The following SLC66A1 variants were observed in gnomAD, a reference collection of about 807,000 sequenced individuals.
The protein encoded by SLC66A1 is lysosomal amino acid transporter 1 homolog.
In SLC66A1, 23 loss-of-function variants were observed where a neutral mutation model predicts 33.0. The observed-to-expected ratio is 0.70, with a 90% CI of 0.50 to 0.99. SLC66A1 has a LOEUF of 0.99. SLC66A1 is among the 50% of genes least tolerant of loss of function. SLC66A1 has a pLI of 0.00. For missense variants in SLC66A1, 335 were observed against 383.6 expected, an observed-to-expected ratio of 0.87 and a Z score of 1.06; for synonymous variants, 164 against 175.5, an observed-to-expected ratio of 0.93 and a Z score of 0.52.
rs749226626 is a variant in SLC66A1, at chr1:19,326,516, C to T, written c.526-15C>T. On this transcript the variant is annotated splice_polypyrimidine_tract_variant and intron_variant, in intron 5 of 7. Transcript: ENST00000375153. ...GGCTCCTACGAGACACCAAGTGCCC[C>T]CTTCTGCCCCACAGCCCTTCACCCG... is the stretch of plus-strand genomic sequence containing the variant. 5.0e-6 allele frequency: 8 copies of T among 1,614,072 alleles called. No homozygotes were observed. Among genetic ancestry groups the T allele is most frequent in the African/African-American group, 2.7e-5 (2 of 74,946 alleles).
chr1:19,325,492 C>T lies in SLC66A1; in HGVS notation c.295-3C>T. On this transcript the variant is annotated splice_region_variant and splice_polypyrimidine_tract_variant and intron_variant, in intron 3 of 7. Transcript: ENST00000375153. ...ACCCCTGGGCCCCCTGCATCTCTTA[C>T]AGACCTACACGGCTGTGTATTATGT... The T allele has an allele frequency of 6.3e-7, 1 of 1,599,500 alleles. No individual in the cohort carries two copies. The highest frequency in any genetic ancestry group is 1.1e-5 in the South Asian group (1 of 90,704).
At chr1:19,330,448 G>A (rs1386203202), downstream of SLC66A1, among the ~76,000 whole-genome samples, 1 of 152,190 alleles carries the variant, frequency 6.6e-6, no homozygotes, top group Non-Finnish European at 1.5e-5. Context: ...AGACACCGGG[G>A]CTGTGGTGAA....
At chr1:19,332,318 CTG>C (rs1558158470), downstream of SLC66A1, among the ~76,000 whole-genome samples, 1 of 152,212 alleles carries the variant, frequency 6.6e-6, no homozygotes, top group African/African-American at 2.4e-5. Context: ...ACCAACAACA[CTG>C]TCTGCCTCAG....
At chr1:19,321,954 T>C (rs1349420796) in intron 2 of SLC66A1, among the ~76,000 whole-genome samples, 1 of 152,232 alleles carries the variant, frequency 6.6e-6, no homozygotes, top group Admixed American at 6.5e-5. Flanking sequence ...TTGATGTTTT[T>C]ACTGAGTTAC....
At position 19,326,606 on chromosome 1, in the gene SLC66A1, C is replaced by G. The variant is rs1018776890; in HGVS notation, c.601C>G (p.Pro201Ala). The G allele has an allele frequency of 6.2e-7, 1 of 1,614,204 alleles. No individual in the cohort carries two copies. The highest frequency in any genetic ancestry group is 8.5e-7 in the Non-Finnish European group (1 of 1,180,042). ...SSVLYLLSRL[P>A]QIRTNFLRKS... ...CGTGTTGTACCTGCTTTCCCGGCTG[C>G]CTCAGATCCGCACCAACGTGAGCCT... The change falls in exon 6 of 8, where the codon CCT becomes GCT. Residue 201 changes from proline (P) to alanine (A), a missense_variant. Coordinates refer to ENST00000375153, the MANE Select transcript of SLC66A1 (RefSeq NM_001040125.2).
At chr1:19,319,424 A>G (rs947730604) in intron 2 of SLC66A1, among the ~76,000 whole-genome samples, 2 of 152,198 alleles carry the variant, frequency 1.3e-5, no homozygotes, top group African/African-American at 4.8e-5. Context: ...TTCACTTAAC[A>G]TAATGTCTTC....
intron 3 of SLC66A1, among the ~76,000 whole-genome samples, chr1:19,325,001 C>T (rs916474278): frequency 1.8e-4 from 28 of 152,214 alleles, no homozygotes; most frequent in African/African-American, 5.3e-4. Flanking sequence ...AGGAAGGTTT[C>T]GGGGTCTTCC....
At chr1:19,334,123 G>A (rs1347481333), downstream of SLC66A1, among the ~76,000 whole-genome samples, 3 of 152,246 alleles carry the variant, frequency 2.0e-5, no homozygotes, top group Non-Finnish European at 4.4e-5. Context: ...TAATGACGAC[G>A]GTTACTAAGT....
intron 7 of SLC66A1, 104 bp downstream of exon 7, chr1:19,327,516 C>A: frequency 1.5e-6 from 2 of 1,339,982 alleles, no homozygotes; most frequent in Non-Finnish European, 2.1e-6. Flanking sequence ...TTCATCCATC[C>A]GTCCATCCAT....
At chr1:19,318,245 G>A (rs990544233) in intron 2 of SLC66A1, among the ~76,000 whole-genome samples, 5 of 152,180 alleles carry the variant, frequency 3.3e-5, no homozygotes, top group Admixed American at 3.3e-4. Context: ...GAGATGGGGC[G>A]GGAGAGTGGG....
At chr1:19,314,420 C>T (rs1344424476) in intron 1 of SLC66A1, among the ~76,000 whole-genome samples, 1 of 152,202 alleles carries the variant, frequency 6.6e-6, no homozygotes, top group African/African-American at 2.4e-5. Flanking sequence ...AAGGTACCTT[C>T]CTCGAGACAA....
intron 7 of SLC66A1, 67 bp downstream of exon 7, chr1:19,327,479 G>T: frequency 1.3e-6 from 2 of 1,521,058 alleles, no homozygotes; most frequent in South Asian, 2.4e-5. Context: ...TGCACACAGC[G>T]TCAGCACTCA....
At chr1:19,327,900 C>CAT (rs1203790009) in intron 7 of SLC66A1, 9 of 282,548 alleles carry the variant, frequency 3.2e-5, no homozygotes, top group Non-Finnish European at 5.7e-5. Flanking sequence ...TGTGGAGAGA[C>CAT]ACATGACTTG....
intron 1 of SLC66A1, among the ~76,000 whole-genome samples, chr1:19,313,763 CA>C (rs2093790295): frequency 6.6e-6 from 1 of 152,184 alleles, no homozygotes; most frequent in Admixed American, 6.5e-5. Flanking sequence ...GGCCTAGCCT[CA>C]GGTAATTTGG....
downstream of SLC66A1, among the ~76,000 whole-genome samples, chr1:19,331,652 C>T (rs1489293174): frequency 6.6e-6 from 1 of 152,238 alleles, no homozygotes; most frequent in African/African-American, 2.4e-5. Context: ...TGGCCTGTGC[C>T]TGCCTCAGGT....
chr1:19,320,445 G>T (rs145419199), intron 2 of SLC66A1, among the ~76,000 whole-genome samples: 4 of 117,814 alleles, frequency 3.4e-5, no homozygotes, highest in South Asian at 2.6e-4. Context: ...TGACAGTCTC[G>T]CTCTGTCGCC....
At chr1:19,324,498 A>G (rs959104508) in intron 2 of SLC66A1, 135 bp from the exon 3 acceptor site, 22 of 1,105,916 alleles carry the variant, frequency 2.0e-5, no homozygotes, top group Non-Finnish European at 2.9e-5. Context: ...CGTGGGGAGG[A>G]TGGGCCGCCA....
Position 19,327,271 on chromosome 1 carries a change from G to C in SLC66A1, c.663G>C (p.Ala221=), listed in dbSNP as rs751713773. The C allele has an allele frequency of 1.2e-6, 2 of 1,613,870 alleles. No individual in the cohort carries two copies. The highest frequency in any genetic ancestry group is 3.3e-5 in the Admixed American group (2 of 60,000). Residue 221 remains alanine (A), a synonymous_variant, in exon 7 of 8, where the codon GCG becomes GCC. Transcript: ENST00000375153. ...AGGGGATCTCCTACTCTCTGTTCGC[G>C]CTGGTGATGCTGGGGAACACGCTGT... ...STQGISYSLF[A]LVMLGNTLYG... is the part of the protein sequence containing the mutation.
intron 7 of SLC66A1, 86 bp downstream of exon 7, chr1:19,327,498 TTCC>T (rs2093874539): frequency 6.9e-7 from 1 of 1,457,638 alleles, no homozygotes; most frequent in Non-Finnish European, 9.4e-7. Context: ...CATCCGTCTC[TTCC>T]TCCCTTCATC....
Sources: gnomAD v4.1 joint callset for allele counts (sites outside exome capture counted in the v4.1 genomes callset) on GRCh38, gnomAD v4.1.1 for gene constraint, MANE v1.5 for transcripts, NCBI Gene and HGNC (gene_info 2026-07-23, HGNC 2026-07-21) for gene names.